Variants in ZMIZ1 observed in about 807,000 individuals in gnomAD.
ZMIZ1 encodes zinc finger MIZ domain-containing protein 1.
ZMIZ1 carries 17 observed loss-of-function variants against 113.9 expected under a neutral mutation model. That is an observed-to-expected ratio of 0.15 (90% CI 0.10 to 0.22). The LOEUF (loss-of-function observed/expected upper bound fraction) is 0.22. Ranked by LOEUF, ZMIZ1 falls within the 10% of genes least tolerant of loss-of-function variation. The pLI is 1.00. For missense variants in ZMIZ1, 1,059 were observed against 1,477.8 expected (o/e 0.72, Z 4.65); for synonymous variants, 607 against 603.1 (o/e 1.01, Z -0.09).
chr10:79,117,011 G>A (rs565055571), intron 1 of ZMIZ1, among the ~76,000 whole-genome samples: 12 of 152,366 alleles, frequency 7.9e-5, no homozygotes, highest in Admixed American at 3.3e-4. Flanking sequence ...CTCCAGTCAC[G>A]TTTGAGTGTC....
At chr10:79,116,528 G>A (rs1451002243) in intron 1 of ZMIZ1, among the ~76,000 whole-genome samples, 2 of 152,150 alleles carry the variant, frequency 1.3e-5, no homozygotes, top group African/African-American at 4.8e-5. Flanking sequence ...GGCATCCTGC[G>A]GTGGAGGTGT....
intron 1 of ZMIZ1, among the ~76,000 whole-genome samples, chr10:79,075,080 G>C (rs1451548043): frequency 6.6e-6 from 1 of 152,202 alleles, no homozygotes; most frequent in Non-Finnish European, 1.5e-5. Flanking sequence ...ACAGACGGTG[G>C]GGGGACTGTG....
At chr10:79,161,928 A>C (rs957380611) in intron 3 of ZMIZ1, 125 bp from the exon 4 acceptor site, 1 of 398,392 alleles carries the variant, frequency 2.5e-6, no homozygotes, top group Non-Finnish European at 4.4e-6. Context: ...AGGGCACCCC[A>C]TCATGTCCCT....
chr10:79,266,409 A>G (rs562633618), intron 7 of ZMIZ1, among the ~76,000 whole-genome samples: 126 of 152,338 alleles, frequency 8.3e-4, no homozygotes, highest in African/African-American at 3.0e-3. Context: ...TTTGTAAAAT[A>G]CAGGTAGTGT....
intron 4 of ZMIZ1, among the ~76,000 whole-genome samples, chr10:79,175,458 A>G (rs1846789117): frequency 6.7e-6 from 1 of 150,072 alleles, no homozygotes; most frequent in African/African-American, 2.4e-5. Flanking sequence ...TGCCCCGATC[A>G]GCTGGGTTGT....
At chr10:79,226,251 G>A (rs917784722) in intron 7 of ZMIZ1, among the ~76,000 whole-genome samples, 2 of 152,164 alleles carry the variant, frequency 1.3e-5, no homozygotes, top group African/African-American at 2.4e-5. Context: ...CTCGGCAAGG[G>A]CAGAAGTGGG....
At chr10:79,258,389 G>GA (rs200135577) in intron 7 of ZMIZ1, among the ~76,000 whole-genome samples, 1,889 of 150,018 alleles carry the variant, frequency 0.013, 13 homozygotes, top group Non-Finnish European at 0.021. Context: ...TGTCTTAAAA[G>GA]AAAAAAAAAG....
In ZMIZ1 at chr10:79,310,928, C is replaced by T; in HGVS notation, c.2840C>T (p.Pro947Leu). 1 of 1,612,902 alleles carries T rather than the reference C, an allele frequency of 6.2e-7. No individual in the cohort carries two copies. Reference protein sequence around the residue: ...PLSHPMQETMPHAGSSDQPHP... With the variant: ...PLSHPMQETMLHAGSSDQPHP... ...CCGCTCTCTCCTCCTCCACAGATGC[C>T]ACACGCTGGCAGCTCTGACCAGCCC... Residue 947 changes from proline (P) to leucine (L), a missense_variant, in exon 24 of 25, where the codon CCA becomes CTA. By Grantham distance (98) the Pro-to-Leu change is moderately conservative (BLOSUM62 -3). Transcript: ENST00000334512.
chr10:79,178,307 A>G (rs1363232226), intron 4 of ZMIZ1, among the ~76,000 whole-genome samples: 1 of 152,186 alleles, frequency 6.6e-6, no homozygotes, highest in Non-Finnish European at 1.5e-5. Flanking sequence ...GCTTACTGAC[A>G]ACCTGCAGGT....
At chr10:79,092,573 C>A (rs1461809225) in intron 1 of ZMIZ1, among the ~76,000 whole-genome samples, 4 of 152,256 alleles carry the variant, frequency 2.6e-5, no homozygotes, top group African/African-American at 9.6e-5. Flanking sequence ...AGTAGCATCG[C>A]AACACCTCCT....
intron 7 of ZMIZ1, among the ~76,000 whole-genome samples, chr10:79,254,552 A>T (rs927942583): frequency 9.9e-5 from 15 of 152,224 alleles, no homozygotes; most frequent in African/African-American, 3.4e-4. Flanking sequence ...GTCTCTATTC[A>T]CTGCTAAGCA....
At chr10:79,305,624 G>T in intron 21 of ZMIZ1, 23 bp downstream of exon 21, 1 of 1,610,212 alleles carries the variant, frequency 6.2e-7, no homozygotes. Context: ...CTAGCGAGGG[G>T]CAGGGGGTGG....
rs763101420 is a variant in ZMIZ1, at chr10:79,289,937, G to T, written c.540+48G>T. 4.7e-5 allele frequency: 74 copies of T among 1,567,344 alleles called. No homozygotes were observed. In the South Asian group the frequency reaches 8.1e-4, roughly 17 times the overall value. Reference sequence around the variant, plus strand: ...GCCACAGCTCTTTCTAGGCGGGAGTGTCCCTTGACCCCTGGAGCCATACCA... The same window carrying T: ...GCCACAGCTCTTTCTAGGCGGGAGTTTCCCTTGACCCCTGGAGCCATACCA... On this transcript the variant is annotated intron_variant, in intron 9 of 24. Coordinates refer to ENST00000334512, the MANE Select transcript of ZMIZ1 (RefSeq NM_020338.4).
At chr10:79,102,383 G>A (rs1194296006) in intron 1 of ZMIZ1, among the ~76,000 whole-genome samples, 1 of 152,196 alleles carries the variant, frequency 6.6e-6, no homozygotes, top group Non-Finnish European at 1.5e-5. Context: ...TGCCCCACCC[G>A]GGAGAGAAGG....
intron 3 of ZMIZ1, among the ~76,000 whole-genome samples, chr10:79,140,319 T>C (rs976110814): frequency 2.0e-5 from 3 of 152,204 alleles, no homozygotes; most frequent in Non-Finnish European, 2.9e-5. Context: ...CAAGAATTAT[T>C]ATCTGCATTT....
At chr10:79,139,319 G>T (rs752312841) in intron 2 of ZMIZ1, among the ~76,000 whole-genome samples, 4 of 152,098 alleles carry the variant, frequency 2.6e-5, no homozygotes, top group African/African-American at 9.7e-5. Flanking sequence ...TTGTACACCC[G>T]GCTAAAAATA....
intron 1 of ZMIZ1, among the ~76,000 whole-genome samples, chr10:79,107,968 T>TCTGC (rs1843617307): frequency 6.6e-6 from 1 of 152,126 alleles, no homozygotes; most frequent in Non-Finnish European, 1.5e-5. Flanking sequence ...CCACCTTCTT[T>TCTGC]CTGCCTGCCT....
At chr10:79,154,556 C>G (rs1246267702) in intron 3 of ZMIZ1, among the ~76,000 whole-genome samples, 1 of 152,198 alleles carries the variant, frequency 6.6e-6, no homozygotes, top group African/African-American at 2.4e-5. Flanking sequence ...GTCTGGCCAC[C>G]CCCAGCTAGG....
At chr10:79,150,817 C>A (rs1018747355) in intron 3 of ZMIZ1, among the ~76,000 whole-genome samples, 1 of 152,114 alleles carries the variant, frequency 6.6e-6, no homozygotes, top group Non-Finnish European at 1.5e-5. Flanking sequence ...AGCATGCCTC[C>A]GTCTCTCAGC....
Sources: allele counts gnomAD v4.1 joint callset (sites outside exome capture counted in the v4.1 genomes callset), GRCh38; gene constraint gnomAD v4.1.1; transcripts MANE v1.5; gene names NCBI Gene and HGNC (gene_info 2026-07-23, HGNC 2026-07-21).